MAMSTR: variants seen among roughly 807,000 people sequenced by gnomAD.
MAMSTR encodes MEF2 activating motif and SAP domain containing transcriptional regulator, also known as MEF2-activating motif and SAP domain-containing transcriptional regulator.
MAMSTR carries 41 observed loss-of-function variants against 42.7 expected under a neutral mutation model. That is an observed-to-expected ratio of 0.96 (90% CI 0.75 to 1.25). The LOEUF (loss-of-function observed/expected upper bound fraction) is 1.25, where lower values mean the gene tolerates loss of function less well. MAMSTR is among the 50% of genes most tolerant of loss of function. MAMSTR has a pLI of 0.00. For synonymous variants in MAMSTR, 265 were observed against 244.1 expected (o/e 1.09, Z -0.80); for missense variants, 567 against 557.6 (o/e 1.02, Z -0.17).
At chr19:48,707,144 C>A in the MAMSTR span, among the ~76,000 whole-genome samples, 4 of 148,604 alleles carry the variant, frequency 2.7e-5, 1 homozygote, top group Admixed American at 2.7e-4. Context: ...ACAGGCCAGG[C>A]GTGGTGGCTC....
rs371082453 is a variant in MAMSTR, at chr19:48,713,882, T to A, written c.887A>T (p.Gln296Leu). 9.3e-6 allele frequency: 15 copies of A among 1,612,242 alleles called. No individual in the cohort carries two copies. The highest frequency in any genetic ancestry group is 1.3e-5 in the Non-Finnish European group (15 of 1,178,720). The change falls in exon 8 of 10, where the codon CAG becomes CTG. Residue 296 changes from glutamine (Q) to leucine (L), a missense_variant. By Grantham distance (113) the Gln-to-Leu change is moderately radical. Coordinates refer to ENST00000318083, the MANE Select transcript of MAMSTR (RefSeq NM_001130915.2). ...TACCTGCGCCCTCCGGATCGCTTCC[T>A]GCAGCTCCTCCTCCAGAGTCAGAGC... is the stretch of plus-strand genomic sequence containing the variant. ...SAALTLEEEL[Q>L]EAIRRAQLLP...
At position 48,718,964 on chromosome 19, in the gene MAMSTR, CCT is replaced by C. The variant is rs1437266564; in HGVS notation, c.58+8_58+9del. On this transcript the variant is annotated splice_region_variant and intron_variant, in intron 2 of 9. Coordinates refer to ENST00000318083, the MANE Select transcript of MAMSTR (RefSeq NM_001130915.2). ...CCCATCCCCCACGCATAAAGAGAGC[CCT>C]CTCTCACCAGATCGGAACTTGGAGC... The C allele has an allele frequency of 3.2e-6, 5 of 1,550,412 alleles. No homozygotes were observed. The Admixed American group carries it at 9.8e-5, about 30-fold the overall frequency.
rs1417721011 is a variant in MAMSTR, at chr19:48,719,091, G to A, written c.-21-39C>T. The A allele has an allele frequency of 2.1e-6, 3 of 1,463,044 alleles. No individual in the cohort carries two copies. Among genetic ancestry groups the A allele is most frequent in the Non-Finnish European group, 2.8e-6 (3 of 1,069,856 alleles). The allele number at this position is 1,463,044 out of a possible 1,614,324, so 90.6% of individuals were successfully genotyped here. ...GGGCAGGGCAGGGGCCCCATAGAGGGCTGGCTCAGAGTGGAGGTCAGGAGG... is the reference window on the plus strand; with the variant it reads ...GGGCAGGGCAGGGGCCCCATAGAGGACTGGCTCAGAGTGGAGGTCAGGAGG... On this transcript the variant is annotated intron_variant, in intron 1 of 9. Transcript: ENST00000318083. The surrounding 1 kb of genome is among the most constrained non-coding windows in gnomAD (Gnocchi z 4.4).
At position 48,714,884 on chromosome 19, in the gene MAMSTR, G is replaced by A; in HGVS notation, c.450C>T (p.Pro150=). 6.2e-7 allele frequency: 1 copy of A among 1,609,416 alleles called. No individual in the cohort carries two copies. Among genetic ancestry groups the A allele is most frequent in the Non-Finnish European group, 8.5e-7 (1 of 1,176,474 alleles). The change falls in exon 6 of 10, where the codon CCC becomes CCT. Residue 150 remains proline, a synonymous_variant. Coordinates refer to ENST00000318083, the MANE Select transcript of MAMSTR (RefSeq NM_001130915.2). ...HPRMKPSPLT[P]CPPGVPSPSP... ...AGGGGCTAGGGACTCCTGGTGGGCA[G>A]GGAGTGAGGGGAGAGGGCTTCATCC...
At chr19:48,706,373 C>T in the MAMSTR span, among the ~76,000 whole-genome samples, 1 of 150,840 alleles carries the variant, frequency 6.6e-6, no homozygotes, top group Non-Finnish European at 1.5e-5. Flanking sequence ...TGCAGTGGCT[C>T]ACACCTGTAA....
At chr19:48,715,504 G>T in intron 4 of MAMSTR, 58 bp from the exon 5 acceptor site, 1 of 1,463,848 alleles carries the variant, frequency 6.8e-7, no homozygotes, top group Non-Finnish European at 9.0e-7. Flanking sequence ...TCCGGCCCCA[G>T]GACTACATGC....
At chr19:48,714,597 G>A in intron 6 of MAMSTR, 37 bp from the exon 7 acceptor site, 1 of 1,465,622 alleles carries the variant, frequency 6.8e-7, no homozygotes, top group Admixed American at 2.6e-5. Flanking sequence ...GGCAGTGCTG[G>A]GCGGGCTCCC....
chr19:48,713,074 A>G lies in MAMSTR; in HGVS notation c.*193T>C. ...CCCAACCATACCACGCCGGAGGGGG[A>G]TCATAAGGAGGCCAGGTAGGCAAAG... On this transcript the variant is annotated 3_prime_UTR_variant, in exon 10 of 10. Coordinates refer to ENST00000318083, the MANE Select transcript of MAMSTR (RefSeq NM_001130915.2). 1.9e-6 allele frequency: 1 copy of G among 536,226 alleles called. No homozygotes were observed. 33.2% of individuals were successfully genotyped at this position (536,226 alleles called of 1,614,324 possible).
chr19:48,714,448 G>A lies in MAMSTR; in HGVS notation c.641C>T (p.Pro214Leu), dbSNP rs1404298573. The A allele has an allele frequency of 2.2e-6, 3 of 1,358,396 alleles. No homozygotes were observed. The highest frequency in any genetic ancestry group is 1.9e-6 in the Non-Finnish European group (2 of 1,066,732). The allele number at this position is 1,358,396 out of a possible 1,614,324, so 84.1% of individuals were successfully genotyped here. ...ACCCGCGGGACTGTCCTCGCGCCGC[G>A]GCTTCGGCCGCTCGCGGGGCGGCGC... The part of the protein sequence containing the change: ...GGAPPRERPK[P>L]RREDSPAGAP... Residue 214 changes from proline to leucine, a missense_variant, in exon 7 of 10, where the codon CCG becomes CTG. Physicochemically the swap from Pro to Leu is moderately conservative, Grantham distance 98. Transcript: ENST00000318083.
chr19:48,718,267 T>C (rs2033119656), intron 2 of MAMSTR, among the ~76,000 whole-genome samples: 1 of 152,216 alleles, frequency 6.6e-6, no homozygotes, highest in African/African-American at 2.4e-5. Context: ...TCCTTGCTCT[T>C]TGATTGCTGG....
At position 48,713,227 on chromosome 19, in the gene MAMSTR, AC is replaced by A. The variant is rs1172857657; in HGVS notation, c.*39del. 1 of 1,532,450 alleles carries A rather than the reference AC, an allele frequency of 6.5e-7. No individual in the cohort carries two copies. 94.9% of individuals were successfully genotyped at this position (1,532,450 alleles called of 1,614,324 possible). A position where few individuals can be genotyped will look rare whatever the true frequency, so the allele number is the denominator to read the frequency against. Reference sequence around the variant, plus strand: ...CTCCTCCCACAAGGAGCTTCTCTCCACCCCCATCAGTTCTCTGTCTCTGTAA... The same window carrying A: ...CTCCTCCCACAAGGAGCTTCTCTCCACCCCATCAGTTCTCTGTCTCTGTAA... On this transcript the variant is annotated 3_prime_UTR_variant, in exon 10 of 10. Coordinates refer to ENST00000318083, the MANE Select transcript of MAMSTR (RefSeq NM_001130915.2).
At chr19:48,716,444 C>A (rs1190925024) in intron 3 of MAMSTR, among the ~76,000 whole-genome samples, 1 of 149,994 alleles carries the variant, frequency 6.7e-6, no homozygotes, top group Non-Finnish European at 1.5e-5. Flanking sequence ...GACCAGGATG[C>A]CTGTCTTCTC....
intron 3 of MAMSTR, 82 bp downstream of exon 3, chr19:48,716,623 G>T: frequency 1.6e-6 from 2 of 1,284,798 alleles, no homozygotes; most frequent in Non-Finnish European, 2.0e-6. Context: ...AACCAATGAG[G>T]GGTATCTGGC....
chr19:48,718,376 ACTT>A (rs2033124888), intron 2 of MAMSTR, among the ~76,000 whole-genome samples: 16 of 135,088 alleles, frequency 1.2e-4, no homozygotes, highest in South Asian at 4.6e-4. Context: ...ACACTTGCAC[ACTT>A]CTTTTTTTTT....
rs1198041451 is a variant in MAMSTR at position 48,718,960 on chromosome 19, G to A, written c.58+14C>T. On this transcript the variant is annotated intron_variant, in intron 2 of 9. Transcript: ENST00000318083. ...GGATCCCATCCCCCACGCATAAAGAGAGCCCTCTCTCACCAGATCGGAACT... is the reference window on the plus strand; with the variant it reads ...GGATCCCATCCCCCACGCATAAAGAAAGCCCTCTCTCACCAGATCGGAACT... The A allele has an allele frequency of 8.4e-6, 13 of 1,546,914 alleles. No homozygotes were observed. Among genetic ancestry groups the A allele is most frequent in the Non-Finnish European group, 1.0e-5 (12 of 1,143,636 alleles).
At chr19:48,708,253 A>T (rs1450243284), downstream of MAMSTR, among the ~76,000 whole-genome samples, 2 of 149,468 alleles carry the variant, frequency 1.3e-5, no homozygotes, top group Non-Finnish European at 3.0e-5. Context: ...AAAAAAAAAA[A>T]GAAGAAGAAG....
downstream of MAMSTR, among the ~76,000 whole-genome samples, chr19:48,709,822 A>G (rs1026462769): frequency 6.6e-6 from 1 of 151,670 alleles, no homozygotes; most frequent in African/African-American, 2.4e-5. Flanking sequence ...GTAATCTCAA[A>G]CCCACTTACC....
intron 7 of MAMSTR, 53 bp downstream of exon 7, chr19:48,714,313 G>A (rs1044223769): frequency 1.5e-6 from 2 of 1,320,392 alleles, no homozygotes; most frequent in Admixed American, 3.7e-5. Context: ...ACCCCGCCCC[G>A]GCCCACTTTG....
At chr19:48,707,223 C>A in the MAMSTR span, among the ~76,000 whole-genome samples, 4 of 150,130 alleles carry the variant, frequency 2.7e-5, no homozygotes, top group South Asian at 8.6e-4. Context: ...TCAAGACCAT[C>A]CTGGCCAACA....
Sources: allele counts gnomAD v4.1 joint callset (sites outside exome capture counted in the v4.1 genomes callset), GRCh38; gene constraint gnomAD v4.1.1; non-coding constraint Gnocchi (gnomAD v3.1); transcripts MANE v1.5; gene names NCBI Gene and HGNC (gene_info 2026-07-23, HGNC 2026-07-21).